The following RBM20 variants were observed in gnomAD, a reference collection of about 807,000 sequenced individuals.
RBM20 encodes the protein RNA-binding protein 20.
RBM20 carries 51 observed loss-of-function variants against 110.1 expected under a neutral mutation model. The ratio of observed to expected loss-of-function variants is 0.46; its 90% CI spans 0.37 to 0.59. RBM20 has a LOEUF of 0.59. Among genes scored for constraint, RBM20 ranks in the 20% least tolerant of loss-of-function variants. RBM20 has a pLI of 0.00. For synonymous variants in RBM20, 589 were observed against 618.2 expected (o/e 0.95, Z 0.70); for missense variants, 1,512 against 1,574.9 (o/e 0.96, Z 0.68).
intron 1 of RBM20, among the ~76,000 whole-genome samples, chr10:110,765,917 C>G (rs1249873884): frequency 6.6e-6 from 1 of 152,140 alleles, no homozygotes; most frequent in Non-Finnish European, 1.5e-5. Flanking sequence ...GCCCTTCCCC[C>G]ACATGCATAT....
intron 1 of RBM20, among the ~76,000 whole-genome samples, chr10:110,704,737 G>A (rs1862810929): frequency 6.6e-6 from 1 of 152,188 alleles, no homozygotes; most frequent in Admixed American, 6.5e-5. Context: ...CCATTAGACT[G>A]TGTGCAGGCA....
intron 7 of RBM20, among the ~76,000 whole-genome samples, chr10:110,804,956 A>G: frequency 6.6e-6 from 1 of 152,208 alleles, no homozygotes; most frequent in East Asian, 1.9e-4. Context: ...GTCTGGTTTC[A>G]GAGCCATTGG....
chr10:110,692,271 G>C (rs1459961907), intron 1 of RBM20, among the ~76,000 whole-genome samples: 1 of 152,104 alleles, frequency 6.6e-6, no homozygotes, highest in Admixed American at 6.5e-5. Context: ...AAGATTCCAT[G>C]TGAAGTTTAG....
intron 1 of RBM20, among the ~76,000 whole-genome samples, chr10:110,667,985 T>C (rs1363116517): frequency 2.0e-5 from 3 of 152,210 alleles, no homozygotes; most frequent in Admixed American, 2.0e-4. Context: ...CTTTTATTAA[T>C]AGAACATGCT....
chr10:110,706,909 G>A (rs976099453), intron 1 of RBM20, among the ~76,000 whole-genome samples: 3 of 151,940 alleles, frequency 2.0e-5, no homozygotes, highest in East Asian at 1.9e-4. Flanking sequence ...AGGAATTCTC[G>A]GTATTCTCAT....
At chr10:110,792,788 G>A (rs1241221208) in intron 5 of RBM20, among the ~76,000 whole-genome samples, 2 of 152,150 alleles carry the variant, frequency 1.3e-5, no homozygotes, top group South Asian at 4.1e-4. Flanking sequence ...CTCACTGCTT[G>A]GAGCTTATCT....
rs1380860705 is a variant in RBM20 at position 110,839,070 on chromosome 10, T to C, written c.*3092T>C. Reference sequence around the variant, plus strand: ...AGCAATTGCTCCCTTAAGCAACAGATTCATATTTACCCTGGGTTAATACAA... The same window carrying C: ...AGCAATTGCTCCCTTAAGCAACAGACTCATATTTACCCTGGGTTAATACAA... On this transcript the variant is annotated 3_prime_UTR_variant, in exon 14 of 14. Transcript: ENST00000369519. 6.6e-6 allele frequency: 1 copy of C among 152,222 alleles called. No individual in the cohort carries two copies. The highest frequency in any genetic ancestry group is 1.5e-5 in the Non-Finnish European group (1 of 68,042). 9.4% of individuals were successfully genotyped at this position (152,222 alleles called of 1,614,324 possible).
intron 1 of RBM20, among the ~76,000 whole-genome samples, chr10:110,722,027 T>G (rs1353487518): frequency 6.6e-6 from 1 of 152,156 alleles, no homozygotes; most frequent in African/African-American, 2.4e-5. Flanking sequence ...CTGCCTTTTC[T>G]CTGCCTTTGA....
Position 110,820,351 on chromosome 10 carries a change from C to T in RBM20, c.2655+175C>T, listed in dbSNP as rs962063787. On this transcript the variant is annotated intron_variant, in intron 10 of 13. Transcript: ENST00000369519. The stretch of plus-strand genomic sequence containing the variant: ...GAGGAGTGGCTGTGCCTGGAATCTT[C>T]GGACAGTTTTTATTGAAGCGATCTT... Among the ~76,000 whole-genome samples, 27 of 152,166 alleles carry T rather than the reference C, an allele frequency of 1.8e-4. 1 individual carries two copies. Among genetic ancestry groups the T allele is most frequent in the African/African-American group, 4.8e-4 (20 of 41,440 alleles).
chr10:110,801,243 A>G (rs999851940), intron 7 of RBM20, among the ~76,000 whole-genome samples: 16 of 152,122 alleles, frequency 1.1e-4, no homozygotes, highest in African/African-American at 3.4e-4. Flanking sequence ...CCTGGCCAAC[A>G]TGGTGAAACC....
At chr10:110,684,715 T>C (rs1862476857) in intron 1 of RBM20, among the ~76,000 whole-genome samples, 1 of 152,166 alleles carries the variant, frequency 6.6e-6, no homozygotes, top group Non-Finnish European at 1.5e-5. Flanking sequence ...TTCATCTTGC[T>C]CCATTGCAGC....
intron 1 of RBM20, among the ~76,000 whole-genome samples, chr10:110,695,675 C>G (rs1862652709): frequency 6.6e-6 from 1 of 152,204 alleles, no homozygotes; most frequent in Non-Finnish European, 1.5e-5. Flanking sequence ...GTGGACTTCA[C>G]ACACTTTGTT....
intron 5 of RBM20, among the ~76,000 whole-genome samples, chr10:110,789,921 G>A (rs1844463419): frequency 6.6e-6 from 1 of 152,158 alleles, no homozygotes; most frequent in Non-Finnish European, 1.5e-5. Context: ...TAGTTTTTGT[G>A]TACCTGCCCG....
At chr10:110,658,355 C>G (rs1862055267) in intron 1 of RBM20, among the ~76,000 whole-genome samples, 2 of 152,290 alleles carry the variant, frequency 1.3e-5, no homozygotes, top group South Asian at 4.1e-4. Context: ...GTTTTACAGT[C>G]TGTAGCATTC....
intron 1 of RBM20, among the ~76,000 whole-genome samples, chr10:110,734,770 T>C (rs1426797592): frequency 6.7e-6 from 1 of 149,996 alleles, no homozygotes; most frequent in Non-Finnish European, 1.5e-5. Context: ...GAGATATTCT[T>C]TATTTATATA....
intron 1 of RBM20, among the ~76,000 whole-genome samples, chr10:110,695,376 A>G (rs1862647162): frequency 6.6e-6 from 1 of 152,182 alleles, no homozygotes; most frequent in African/African-American, 2.4e-5. Context: ...TTGTAACTGA[A>G]TATGTCGGAA....
intron 1 of RBM20, among the ~76,000 whole-genome samples, chr10:110,727,418 A>AT (rs762726620): frequency 0.057 from 8,305 of 145,348 alleles, 362 homozygotes; most frequent in East Asian, 0.21. Context: ...AAAATAAAAA[A>AT]AAAATAAATA....
intron 1 of RBM20, among the ~76,000 whole-genome samples, chr10:110,663,634 A>C (rs1862136878): frequency 6.6e-6 from 1 of 152,236 alleles, no homozygotes; most frequent in South Asian, 2.1e-4. Flanking sequence ...GTTTGTCTTA[A>C]TTATAAAAAA....
chr10:110,699,885 A>T (rs1488745033), intron 1 of RBM20, among the ~76,000 whole-genome samples: 1 of 152,174 alleles, frequency 6.6e-6, no homozygotes, highest in Admixed American at 6.5e-5. Flanking sequence ...CTGCCGTATC[A>T]TCACCGTTTA....
Sources: allele counts gnomAD v4.1 joint callset (sites outside exome capture counted in the v4.1 genomes callset), GRCh38; gene constraint gnomAD v4.1.1; transcripts MANE v1.5; gene names NCBI Gene and HGNC (gene_info 2026-07-23, HGNC 2026-07-21).